The following FEM1C variants were observed in gnomAD, a reference collection of about 807,000 sequenced individuals.
The protein encoded by FEM1C is fem-1 homolog C.
Under a neutral mutation model 37.6 loss-of-function variants are expected in FEM1C, and 15 were observed. The ratio of observed to expected loss-of-function variants is 0.40; its 90% CI spans 0.27 to 0.61. The LOEUF (loss-of-function observed/expected upper bound fraction) is 0.61. Among genes scored for constraint, FEM1C ranks in the 20% least tolerant of loss-of-function variants. The probability of loss-of-function intolerance (pLI) is 0.42; values close to 1 mark genes in which losing one functional copy is unlikely to be tolerated. For synonymous variants in FEM1C, 287 were observed against 272.8 expected, an observed-to-expected ratio of 1.05 and a Z score of -0.51; for missense variants, 532 against 749.7, an observed-to-expected ratio of 0.71 and a Z score of 3.39.
intron 2 of FEM1C, 145 bp from the exon 3 acceptor site, chr5:115,525,762 A>T (rs1190318165): frequency 4.9e-6 from 3 of 612,774 alleles, no homozygotes; most frequent in Non-Finnish European, 8.0e-6. Flanking sequence ...ACGAGAAAAA[A>T]AAATTCCCCC....
chr5:115,538,221 T>C (rs1754167893), intron 2 of FEM1C, among the ~76,000 whole-genome samples: 1 of 151,876 alleles, frequency 6.6e-6, no homozygotes, highest in African/African-American at 2.4e-5. Flanking sequence ...AAAAGGCAAA[T>C]AATCTGTCTG....
At chr5:115,543,740 ACTT>A (rs762317807) in intron 1 of FEM1C, 57 bp from the exon 2 acceptor site, 12 of 1,299,434 alleles carry the variant, frequency 9.2e-6, no homozygotes, top group South Asian at 6.4e-5. Context: ...AAGGCAAAAC[ACTT>A]CTTAATTTCC....
At chr5:115,526,322 A>G (rs1753891317) in intron 2 of FEM1C, among the ~76,000 whole-genome samples, 1 of 152,172 alleles carries the variant, frequency 6.6e-6, no homozygotes. Context: ...CGTAAGAAAA[A>G]CAAATCCATG....
In FEM1C at chr5:115,522,475, G is replaced by C. The variant is rs1434425791; in HGVS notation, c.*1833C>G. On this transcript the variant is annotated 3_prime_UTR_variant, in exon 3 of 3. Transcript: ENST00000274457. ...ATATCCAATTTACCTTTTCTTAATGGTGAAATCAAATTTACAACCTAGCAA... is the reference window on the plus strand; with the variant it reads ...ATATCCAATTTACCTTTTCTTAATGCTGAAATCAAATTTACAACCTAGCAA... The C allele has an allele frequency of 6.6e-6, 1 of 151,730 alleles. No homozygotes were observed. The highest frequency in any genetic ancestry group is 1.5e-5 in the Non-Finnish European group (1 of 67,846). 9.4% of individuals were successfully genotyped at this position (151,730 alleles called of 1,614,324 possible).
chr5:115,527,606 T>C (rs764475594), intron 2 of FEM1C, among the ~76,000 whole-genome samples: 5 of 152,164 alleles, frequency 3.3e-5, no homozygotes, highest in Admixed American at 1.3e-4. Flanking sequence ...CTATTCCCCA[T>C]GTTTTTCTAA....
intron 2 of FEM1C, among the ~76,000 whole-genome samples, chr5:115,529,209 A>C (rs1488060922): frequency 1.3e-5 from 2 of 151,554 alleles, no homozygotes; most frequent in Admixed American, 6.6e-5. Context: ...TACAAACTCC[A>C]AGAAGGACAA....
chr5:115,539,286 T>C (rs1033177822), intron 2 of FEM1C, among the ~76,000 whole-genome samples: 1 of 151,996 alleles, frequency 6.6e-6, no homozygotes, highest in Non-Finnish European at 1.5e-5. Context: ...AAAAGTGGAA[T>C]TGAAGAGGAC....
chr5:115,530,624 G>A (rs56212105), intron 2 of FEM1C, among the ~76,000 whole-genome samples: 19,080 of 152,140 alleles, frequency 0.13, 1,530 homozygotes, highest in East Asian at 0.23. Flanking sequence ...ATTCTTGGCC[G>A]TAAGGCAAGT....
chr5:115,533,553 A>G (rs1754060176), intron 2 of FEM1C, among the ~76,000 whole-genome samples: 1 of 151,954 alleles, frequency 6.6e-6, no homozygotes, highest in South Asian at 2.1e-4. Context: ...AACATAATTG[A>G]TTTAAAGTTT....
intron 2 of FEM1C, among the ~76,000 whole-genome samples, chr5:115,536,321 TTTA>T (rs1754127777): frequency 6.6e-6 from 1 of 151,998 alleles, no homozygotes; most frequent in Non-Finnish European, 1.5e-5. Context: ...TAGAGGGTCT[TTTA>T]TTATAATACA....
At chr5:115,538,058 A>G (rs1754163427) in intron 2 of FEM1C, among the ~76,000 whole-genome samples, 1 of 152,064 alleles carries the variant, frequency 6.6e-6, no homozygotes, top group Non-Finnish European at 1.5e-5. Context: ...AATAATATAA[A>G]GCCTTGGATT....
At chr5:115,537,930 G>C (rs1206251657) in intron 2 of FEM1C, among the ~76,000 whole-genome samples, 2 of 151,998 alleles carry the variant, frequency 1.3e-5, no homozygotes, top group South Asian at 2.1e-4. Context: ...GTTTACAAGA[G>C]AGATTTTCTC....
At chr5:115,534,631 T>C (rs1013055031) in intron 2 of FEM1C, among the ~76,000 whole-genome samples, 3 of 151,970 alleles carry the variant, frequency 2.0e-5, no homozygotes, top group Non-Finnish European at 2.9e-5. Context: ...TACTGCTCTT[T>C]ATAAAAAAAC....
Position 115,544,065 on chromosome 5 carries a change from G to A in FEM1C, c.-190-382C>T, listed in dbSNP as rs116175858. ...GTTTCTCTTTCTTGCAACTGCAGGA[G>A]AGCTGGCCAAGGGCGCCAGGCTGGA... On this transcript the variant is annotated intron_variant, in intron 1 of 2. Transcript: ENST00000274457. The A allele has an allele frequency of 1.0e-3, 1,034 of 985,426 alleles. 9 individuals are homozygous for A. In the African/African-American group the frequency reaches 0.016, roughly 15 times the overall value. 61.0% of individuals were successfully genotyped at this position (985,426 alleles called of 1,614,324 possible). A position where few individuals can be genotyped will look rare whatever the true frequency, so the allele number is the denominator to read the frequency against.
In FEM1C at chr5:115,543,531, C is replaced by A; in HGVS notation, c.-38G>T. 6.5e-7 allele frequency: 1 copy of A among 1,544,702 alleles called. No homozygotes were observed. Among genetic ancestry groups the A allele is most frequent in the Non-Finnish European group, 8.7e-7 (1 of 1,155,206 alleles). On this transcript the variant is annotated 5_prime_UTR_variant, in exon 2 of 3. Transcript: ENST00000274457. Reference sequence around the variant, plus strand: ...GAGAGGCTGTGCTTTATTTATCTTTCAAAGCAGAGCTCCAGTTTAACTCTA... The same window carrying A: ...GAGAGGCTGTGCTTTATTTATCTTTAAAAGCAGAGCTCCAGTTTAACTCTA...
In FEM1C at chr5:115,524,777, T is replaced by C. The variant is rs766004856; in HGVS notation, c.1385A>G (p.Asp462Gly). The change falls in exon 3 of 3, where the codon GAC becomes GGC. Residue 462 changes from aspartate to glycine, a missense_variant. By Grantham distance (94) the Asp-to-Gly change is moderately conservative. Around this residue, in one of 3 missense-constraint regions of FEM1C, gnomAD observed 237 missense variants for 260.5 expected, o/e 0.91. Coordinates refer to ENST00000274457, the MANE Select transcript of FEM1C (RefSeq NM_020177.3). ...GTATATAGTCTGCTTTTTGAAATGGTCTTGTTCTAGAGTACAAGGAACTTT... is the reference window on the plus strand; with the variant it reads ...GTATATAGTCTGCTTTTTGAAATGGCCTTGTTCTAGAGTACAAGGAACTTT... ...LEKVPCTLEQ[D>G]HFKKQTIYRF... 2 of 1,572,618 alleles carry C rather than the reference T, an allele frequency of 1.3e-6. No homozygotes were observed. The highest frequency in any genetic ancestry group is 1.7e-6 in the Non-Finnish European group (2 of 1,162,224).
At chr5:115,544,097 G>A (rs1167212573) in intron 1 of FEM1C, 1 of 985,318 alleles carries the variant, frequency 1.0e-6, no homozygotes, top group African/African-American at 1.7e-5. Flanking sequence ...TGGAAGGCCT[G>A]AGGCCGGGTT....
chr5:115,540,560 C>A (rs774949243), intron 2 of FEM1C, among the ~76,000 whole-genome samples: 7 of 151,788 alleles, frequency 4.6e-5, no homozygotes, highest in Non-Finnish European at 8.8e-5. Context: ...ACATATAAGG[C>A]TAAAAGATGA....
At chr5:115,533,068 T>G (rs1236281088) in intron 2 of FEM1C, among the ~76,000 whole-genome samples, 1 of 151,988 alleles carries the variant, frequency 6.6e-6, no homozygotes, top group Non-Finnish European at 1.5e-5. Context: ...ACAAAAAAAT[T>G]AACGCCTACC....
Sources: allele counts gnomAD v4.1 joint callset (sites outside exome capture counted in the v4.1 genomes callset), GRCh38; gene constraint gnomAD v4.1.1; regional missense constraint gnomAD v4.1.1; transcripts MANE v1.5; gene names NCBI Gene and HGNC (gene_info 2026-07-23, HGNC 2026-07-21).